Variants in MLLT10 observed in about 807,000 individuals in gnomAD.
MLLT10 encodes the protein MLLT10 histone lysine methyltransferase DOT1L cofactor.
A neutral mutation model predicts 129.1 loss-of-function variants in MLLT10; 30 were observed. The ratio of observed to expected loss-of-function variants is 0.23; its 90% CI spans 0.17 to 0.32. The LOEUF is 0.32. Among genes scored for constraint, MLLT10 ranks in the 10% least tolerant of loss-of-function variants. The pLI is 1.00. For synonymous variants in MLLT10, 490 were observed against 446.4 expected (o/e 1.10, Z -1.23); for missense variants, 1,119 against 1,268.3 (o/e 0.88, Z 1.79).
At chr10:21,561,895 T>A (rs2038859199) in intron 3 of MLLT10, among the ~76,000 whole-genome samples, 2 of 151,622 alleles carry the variant, frequency 1.3e-5, no homozygotes, top group Non-Finnish European at 2.9e-5. Context: ...AACCTCTGCC[T>A]CCTGGGTTCA....
chr10:21,690,618 G>A (rs2053758899), intron 13 of MLLT10, among the ~76,000 whole-genome samples: 1 of 151,922 alleles, frequency 6.6e-6, no homozygotes, highest in Admixed American at 6.6e-5. Context: ...CCTGAGAAGT[G>A]ATCTCTTTCC....
At chr10:21,669,922 T>G (rs2051212988) in intron 9 of MLLT10, among the ~76,000 whole-genome samples, 1 of 151,820 alleles carries the variant, frequency 6.6e-6, no homozygotes, top group Admixed American at 6.6e-5. Flanking sequence ...CAAATCTTTC[T>G]GTTTTTTTTT....
chr10:21,682,197 C>A (rs763278869), intron 12 of MLLT10, 28 bp from the exon 13 acceptor site: 25 of 1,600,300 alleles, frequency 1.6e-5, no homozygotes, highest in Non-Finnish European at 2.0e-5. Flanking sequence ...TGATCTTAAC[C>A]TGAAGTCCTT....
At chr10:21,562,503 A>T (rs2038953664) in intron 3 of MLLT10, among the ~76,000 whole-genome samples, 1 of 151,336 alleles carries the variant, frequency 6.6e-6, no homozygotes, top group African/African-American at 2.4e-5. Context: ...ACGCCCGGCT[A>T]ATTTTTGTAT....
At chr10:21,600,007 TC>T (rs769854733) in intron 5 of MLLT10, among the ~76,000 whole-genome samples, 77 of 152,220 alleles carry the variant, frequency 5.1e-4, no homozygotes, top group Non-Finnish European at 1.1e-3. Flanking sequence ...TGCCCAACTT[TC>T]CCTTCCCACC....
In MLLT10 at chr10:21,538,928, C is replaced by A; in HGVS notation, c.240+16C>A. The A allele has an allele frequency of 6.3e-7, 1 of 1,591,778 alleles. No homozygotes were observed. The highest frequency in any genetic ancestry group is 1.1e-5 in the South Asian group (1 of 89,790). On this transcript the variant is annotated intron_variant, in intron 3 of 22. Transcript: ENST00000307729. ...AGCCAGAGTGGTAAGGACTATTTATCAAAAACATTAAACTTTAGTGAGTAG... is the reference window on the plus strand; with the variant it reads ...AGCCAGAGTGGTAAGGACTATTTATAAAAAACATTAAACTTTAGTGAGTAG...
At chr10:21,546,486 C>A in intron 3 of MLLT10, among the ~76,000 whole-genome samples, 1 of 151,950 alleles carries the variant, frequency 6.6e-6, no homozygotes, top group East Asian at 1.9e-4. Flanking sequence ...CTTACTGCAA[C>A]CTCCGCCTCC....
chr10:21,655,699 T>C (rs1394981744), intron 9 of MLLT10, among the ~76,000 whole-genome samples: 1 of 151,944 alleles, frequency 6.6e-6, no homozygotes, highest in Non-Finnish European at 1.5e-5. Context: ...TTTTAGAGAG[T>C]TGTAGAATTA....
chr10:21,694,738 G>C (rs2054192479), intron 13 of MLLT10, among the ~76,000 whole-genome samples: 1 of 152,172 alleles, frequency 6.6e-6, no homozygotes, highest in Non-Finnish European at 1.5e-5. Flanking sequence ...CAAATTATCA[G>C]AAAGTTAGCA....
chr10:21,613,422 A>G (rs2044873032), intron 6 of MLLT10, among the ~76,000 whole-genome samples: 1 of 152,094 alleles, frequency 6.6e-6, no homozygotes, highest in South Asian at 2.1e-4. Context: ...GTTTTATACT[A>G]CTATTGTGAA....
intron 9 of MLLT10, among the ~76,000 whole-genome samples, chr10:21,670,091 C>A (rs1030555477): frequency 1.3e-5 from 2 of 151,758 alleles, no homozygotes; most frequent in Admixed American, 1.3e-4. Context: ...AATTTCATGT[C>A]TAGGAAGTGT....
intron 5 of MLLT10, among the ~76,000 whole-genome samples, chr10:21,598,959 C>G (rs544793060): frequency 1.3e-5 from 2 of 151,970 alleles, no homozygotes; most frequent in East Asian, 3.9e-4. Context: ...GCGGGTAGAT[C>G]ACGAGGTCAG....
In MLLT10 at chr10:21,733,793, C is replaced by T; in HGVS notation, c.2522C>T (p.Thr841Ile). ...GACTTAACCTCCAGTGGACAAAGTA[C>T]CAGCAGCTCATCAGCTCTTTCTACC... ...NQDLTSSGQS[T>I]SSSSALSTPP... Residue 841 changes from threonine (T) to isoleucine (I), a missense_variant, in exon 20 of 23, where the codon ACC (threonine) becomes ATC (isoleucine). By Grantham distance (89) the Thr-to-Ile change is moderately conservative. This residue lies in a region of MLLT10 where 1,004 missense variants were observed against 1,008.7 expected (regional missense o/e 1.00). Coordinates refer to ENST00000307729, the MANE Select transcript of MLLT10 (RefSeq NM_001195626.3). The T allele has an allele frequency of 6.2e-7, 1 of 1,613,582 alleles. No individual in the cohort carries two copies. Among genetic ancestry groups the T allele is most frequent in the Non-Finnish European group, 8.5e-7 (1 of 1,179,788 alleles).
chr10:21,556,759 A>T (rs1359712113), intron 3 of MLLT10: 1 of 1,607,484 alleles, frequency 6.2e-7, no homozygotes, highest in South Asian at 1.1e-5. Context: ...ACGTTCCTCC[A>T]GTTTCTGGTG....
chr10:21,646,789 T>A (rs2048518734), intron 8 of MLLT10, among the ~76,000 whole-genome samples: 1 of 152,108 alleles, frequency 6.6e-6, no homozygotes, highest in Non-Finnish European at 1.5e-5. Flanking sequence ...AGAGTACATA[T>A]GTAATCTGTG....
intron 8 of MLLT10, among the ~76,000 whole-genome samples, chr10:21,630,773 A>G (rs2046922005): frequency 6.6e-6 from 1 of 152,216 alleles, no homozygotes; most frequent in Non-Finnish European, 1.5e-5. Flanking sequence ...CTAACTTGTC[A>G]CTTTACAAGT....
At chr10:21,656,325 A>G (rs1281901062) in intron 9 of MLLT10, among the ~76,000 whole-genome samples, 3 of 152,170 alleles carry the variant, frequency 2.0e-5, no homozygotes, top group Non-Finnish European at 4.4e-5. Flanking sequence ...TTATTGATAT[A>G]TCGTAGTTGT....
intron 8 of MLLT10, among the ~76,000 whole-genome samples, chr10:21,624,274 A>G (rs1173503030): frequency 6.6e-6 from 1 of 152,222 alleles, no homozygotes; most frequent in Non-Finnish European, 1.5e-5. Context: ...GAAATTCTTC[A>G]AAACCACAGG....
Position 21,651,719 on chromosome 10 carries a change from C to T in MLLT10, c.746C>T (p.Pro249Leu). 6.2e-7 allele frequency: 1 copy of T among 1,613,310 alleles called. No individual in the cohort carries two copies. The highest frequency in any genetic ancestry group is 1.1e-5 in the South Asian group (1 of 90,958). The change falls in exon 9 of 23, where the codon CCA (proline) becomes CTA (leucine). Residue 249 changes from proline (P) to leucine (L), a missense_variant. Transcript: ENST00000307729. ...DKHKQKHKKQPEPSPALVPSL... is the reference protein window; with the variant it reads ...DKHKQKHKKQLEPSPALVPSL... ...CACAAACAGAAACACAAGAAGCAGCCAGAACCATCACCTGCATTGGTTCCA... is the reference window on the plus strand; with the variant it reads ...CACAAACAGAAACACAAGAAGCAGCTAGAACCATCACCTGCATTGGTTCCA...
Sources: allele counts gnomAD v4.1 joint callset (sites outside exome capture counted in the v4.1 genomes callset), GRCh38; gene constraint gnomAD v4.1.1; regional missense constraint gnomAD v4.1.1; transcripts MANE v1.5; gene names NCBI Gene and HGNC (gene_info 2026-07-23, HGNC 2026-07-21).